Variants in MAST2 observed in about 807,000 individuals in gnomAD.
MAST2 encodes microtubule-associated serine/threonine-protein kinase 2.
MAST2 carries 70 observed loss-of-function variants against 147.4 expected under a neutral mutation model. That is an observed-to-expected ratio of 0.47 (90% CI 0.39 to 0.58). The LOEUF is 0.58. Ranked by LOEUF, MAST2 falls within the 20% of genes least tolerant of loss-of-function variation. The pLI, the probability that MAST2 is intolerant of heterozygous loss-of-function variation, is 0.00. For missense variants in MAST2, 2,080 were observed against 2,302.3 expected (o/e 0.90, Z 1.98); for synonymous variants, 869 against 896.8 (o/e 0.97, Z 0.55).
At chr1:46,034,044 G>A (rs764053894) in intron 27 of MAST2, 29 bp from the exon 28 acceptor site, 16 of 1,608,738 alleles carry the variant, frequency 9.9e-6, no homozygotes, top group Middle Eastern at 1.7e-4. Flanking sequence ...TCACTGCACC[G>A]ACTCAGCCTT....
Position 46,010,703 on chromosome 1 carries a change from G to A in MAST2, c.979-27G>A, listed in dbSNP as rs746722083. On this transcript the variant is annotated intron_variant, in intron 9 of 28. Transcript: ENST00000361297. Reference sequence around the variant, plus strand: ...CAACTGAGCTGGAACTAGAAGGGAAGTGTTTCTTTCTTGCTTTTCTTCCCA... The same window carrying A: ...CAACTGAGCTGGAACTAGAAGGGAAATGTTTCTTTCTTGCTTTTCTTCCCA... The A allele has an allele frequency of 2.5e-6, 4 of 1,605,104 alleles. No homozygotes were observed. In the South Asian group the frequency reaches 3.3e-5, roughly 13 times the overall value.
At chr1:45,826,291 C>T (rs1347138572) in intron 2 of MAST2, among the ~76,000 whole-genome samples, 1 of 152,114 alleles carries the variant, frequency 6.6e-6, no homozygotes, top group Non-Finnish European at 1.5e-5. Flanking sequence ...TCGTGTCTTA[C>T]TTTATGACTT....
At chr1:45,916,404 T>A (rs1357700241) in intron 4 of MAST2, among the ~76,000 whole-genome samples, 1 of 152,220 alleles carries the variant, frequency 6.6e-6, no homozygotes, top group Non-Finnish European at 1.5e-5. Flanking sequence ...TTTCTACTAA[T>A]GGTAGCAAAT....
Position 46,017,197 on chromosome 1 carries a change from C to T in MAST2, c.1189-2399C>T, listed in dbSNP as rs373902240. 1.4e-3 allele frequency among the ~76,000 whole-genome samples: 215 copies of T among 152,134 alleles called. 1 individual carries two copies. The East Asian group carries it at 0.028, about 20-fold the overall frequency. ...ATTCAAGATGGATTAAAGACTTAAA[C>T]GTTAGACCTAAAACCATAAAAACCC... is the stretch of plus-strand genomic sequence containing the variant. On this transcript the variant is annotated intron_variant, in intron 10 of 28. Transcript: ENST00000361297.
chr1:45,807,793 C>T (rs1570144782), intron 1 of MAST2, among the ~76,000 whole-genome samples: 1 of 152,086 alleles, frequency 6.6e-6, no homozygotes. Context: ...CCACCCACCT[C>T]GGCCTCCCAA....
At chr1:45,909,323 C>T (rs952076104) in intron 4 of MAST2, among the ~76,000 whole-genome samples, 4 of 152,218 alleles carry the variant, frequency 2.6e-5, no homozygotes, top group African/African-American at 9.6e-5. Context: ...ACTGTTTTAT[C>T]ATTTTAAAAA....
intron 1 of MAST2, among the ~76,000 whole-genome samples, chr1:45,814,901 G>A (rs532519792): frequency 9.2e-4 from 140 of 152,304 alleles, no homozygotes; most frequent in African/African-American, 3.1e-3. Flanking sequence ...CCCCTTCAGG[G>A]AAACTTTTAT....
At chr1:45,872,004 C>T (rs565402357) in intron 3 of MAST2, among the ~76,000 whole-genome samples, 2 of 152,328 alleles carry the variant, frequency 1.3e-5, no homozygotes, top group African/African-American at 2.4e-5. Flanking sequence ...GTTGGGATTA[C>T]AGGCGTGAGC....
At chr1:45,810,774 G>T (rs535652233) in intron 1 of MAST2, among the ~76,000 whole-genome samples, 1 of 134,644 alleles carries the variant, frequency 7.4e-6, no homozygotes, top group East Asian at 2.3e-4. Flanking sequence ...TCGCGCCACG[G>T]TACTCCATCC....
chr1:45,961,566 G>T (rs535041811), intron 5 of MAST2, among the ~76,000 whole-genome samples: 3 of 152,178 alleles, frequency 2.0e-5, no homozygotes, highest in African/African-American at 7.2e-5. Context: ...TTGAGTTAAT[G>T]TGTGTAACAT....
intron 4 of MAST2, among the ~76,000 whole-genome samples, chr1:45,939,237 A>G (rs770832598): frequency 6.6e-6 from 1 of 151,886 alleles, no homozygotes; most frequent in Non-Finnish European, 1.5e-5. Flanking sequence ...TGACTGTCCA[A>G]TTTTTCTAGC....
intron 5 of MAST2, among the ~76,000 whole-genome samples, chr1:45,970,147 CCCT>C (rs1643862927): frequency 6.6e-6 from 1 of 152,212 alleles, no homozygotes; most frequent in Admixed American, 6.5e-5. Flanking sequence ...AGTTCCTTTT[CCCT>C]CCTCCTGCTG....
rs1646252512 is a variant in MAST2, at chr1:46,022,990, T to C, written c.1485+19T>C. ...TATTGAGGTAAAAACCCTGAGCTCC[T>C]ACCCCATTCCTGGAGCCTGGGCCCT... On this transcript the variant is annotated intron_variant, in intron 13 of 28. Transcript: ENST00000361297. 12 of 1,603,170 alleles carry C rather than the reference T, an allele frequency of 7.5e-6. No homozygotes were observed. Among genetic ancestry groups the C allele is most frequent in the African/African-American group, 1.3e-5 (1 of 74,690 alleles).
intron 5 of MAST2, among the ~76,000 whole-genome samples, chr1:45,963,877 A>AGTATG (rs1197255336): frequency 2.0e-5 from 3 of 152,180 alleles, no homozygotes; most frequent in Non-Finnish European, 4.4e-5. Flanking sequence ...TTGCCCATTC[A>AGTATG]AAACTGGCTG....
chr1:46,026,800 A>T (rs1646432510), intron 16 of MAST2, among the ~76,000 whole-genome samples: 1 of 152,158 alleles, frequency 6.6e-6, no homozygotes, highest in Non-Finnish European at 1.5e-5. Flanking sequence ...CTGTGGAAGA[A>T]AGTGGCTTTG....
intron 10 of MAST2, among the ~76,000 whole-genome samples, chr1:46,015,399 A>G (rs917891253): frequency 6.6e-5 from 10 of 152,340 alleles, no homozygotes; most frequent in Non-Finnish European, 8.8e-5. Flanking sequence ...GGTTTTTTGA[A>G]AGGATCAACA....
chr1:46,021,906 C>T lies in MAST2; in HGVS notation c.1291-44C>T, dbSNP rs181130480. 17 of 1,605,792 alleles carry T rather than the reference C, an allele frequency of 1.1e-5. No homozygotes were observed. The South Asian group carries it at 1.3e-4, about 13-fold the overall frequency. ...TAAAACCAAAGATGCCAGCAGCTTT[C>T]GCTTATATCTGTCACCACTGACTAT... On this transcript the variant is annotated intron_variant, in intron 11 of 28. Transcript: ENST00000361297.
chr1:45,921,140 C>T (rs866408564), intron 4 of MAST2, among the ~76,000 whole-genome samples: 2 of 152,142 alleles, frequency 1.3e-5, no homozygotes, highest in Admixed American at 6.5e-5. Flanking sequence ...GGATTACAGG[C>T]GACCGCCACC....
At chr1:45,922,518 T>C (rs1288439694) in intron 4 of MAST2, among the ~76,000 whole-genome samples, 1 of 152,206 alleles carries the variant, frequency 6.6e-6, no homozygotes, top group Admixed American at 6.5e-5. Context: ...ATGTCAGCAC[T>C]ACCCCGAGCA....
Sources: gnomAD v4.1 joint callset for allele counts (sites outside exome capture counted in the v4.1 genomes callset) on GRCh38, gnomAD v4.1.1 for gene constraint, MANE v1.5 for transcripts, NCBI Gene and HGNC (gene_info 2026-07-23, HGNC 2026-07-21) for gene names.